HDAC4: variants seen among roughly 807,000 people sequenced by gnomAD.
HDAC4 encodes histone deacetylase A.
HDAC4 carries 16 observed loss-of-function variants against 135.1 expected under a neutral mutation model. The ratio of observed to expected loss-of-function variants is 0.12; its 90% CI spans 0.08 to 0.18. The LOEUF (loss-of-function observed/expected upper bound fraction) is 0.18, where lower values mean the gene tolerates loss of function less well. Ranked by LOEUF, HDAC4 falls within the 10% of genes least tolerant of loss-of-function variation. HDAC4 has a pLI of 1.00. For synonymous variants in HDAC4, 685 were observed against 653.4 expected, an observed-to-expected ratio of 1.05 and a Z score of -0.74; for missense variants, 1,143 against 1,511.8, an observed-to-expected ratio of 0.76 and a Z score of 4.05.
chr2:239,148,016 G>A (rs950246268), intron 7 of HDAC4, among the ~76,000 whole-genome samples: 2 of 152,240 alleles, frequency 1.3e-5, no homozygotes, highest in Admixed American at 6.5e-5. Context: ...GGACAGGCGT[G>A]CACCTGGCAC....
chr2:239,186,122 GAGA>G (rs1319673023), intron 4 of HDAC4, among the ~76,000 whole-genome samples: 3 of 152,084 alleles, frequency 2.0e-5, no homozygotes, highest in African/African-American at 4.8e-5. Flanking sequence ...AGCACCATCC[GAGA>G]AGGAGAGGCA....
At chr2:239,106,958 T>G (rs997347830) in intron 15 of HDAC4, among the ~76,000 whole-genome samples, 1 of 151,926 alleles carries the variant, frequency 6.6e-6, no homozygotes, top group Non-Finnish European at 1.5e-5. Context: ...GTGTGGGGAG[T>G]GGACATAGCA....
intron 2 of HDAC4, among the ~76,000 whole-genome samples, chr2:239,283,477 G>A (rs930040533): frequency 5.3e-5 from 8 of 152,220 alleles, no homozygotes; most frequent in Admixed American, 2.0e-4. Context: ...TGGCCACCGC[G>A]AGGGGCCTGG....
chr2:239,372,835 CAT>C (rs1559391724), intron 1 of HDAC4, among the ~76,000 whole-genome samples: 2 of 152,344 alleles, frequency 1.3e-5, no homozygotes, highest in East Asian at 1.9e-4. Context: ...ACAATGCACA[CAT>C]GTGCACATAT....
intron 9 of HDAC4, among the ~76,000 whole-genome samples, chr2:239,136,741 T>C (rs770139045): frequency 1.3e-5 from 2 of 152,204 alleles, no homozygotes; most frequent in Non-Finnish European, 2.9e-5. Flanking sequence ...TGAAGAGACA[T>C]TTCCCCAAAG....
chr2:239,380,237 G>A (rs954572937), intron 1 of HDAC4, among the ~76,000 whole-genome samples: 3 of 152,226 alleles, frequency 2.0e-5, no homozygotes, highest in Non-Finnish European at 4.4e-5. Flanking sequence ...GCAATGGCCC[G>A]CGTCTTTGGG....
intron 9 of HDAC4, among the ~76,000 whole-genome samples, chr2:239,136,875 G>A (rs982571746): frequency 3.3e-5 from 5 of 152,130 alleles, no homozygotes; most frequent in African/African-American, 1.2e-4. Context: ...GGCGCACCTC[G>A]CCCCAGAGGA....
At position 239,328,198 on chromosome 2, in the gene HDAC4, C is replaced by T. The variant is rs1274405496; in HGVS notation, c.22+24480G>A. Among the ~76,000 whole-genome samples, 8 of 152,242 alleles carry T rather than the reference C, an allele frequency of 5.3e-5. 1 individual carries two copies. In the South Asian group the frequency reaches 1.7e-3, roughly 32 times the overall value. On this transcript the variant is annotated intron_variant, in intron 2 of 26. Coordinates refer to ENST00000543185, the MANE Select transcript of HDAC4 (RefSeq NM_001378414.1). ...CTTTCTTCTAGCCACCCTGGAGGAG[C>T]CCTGGCGCTGGCCCAAGTGTGCTCC... is the stretch of plus-strand genomic sequence containing the variant.
At chr2:239,238,188 CA>C (rs1273210146) in intron 2 of HDAC4, among the ~76,000 whole-genome samples, 1 of 152,114 alleles carries the variant, frequency 6.6e-6, no homozygotes, top group East Asian at 1.9e-4. Context: ...AAGTACTTTT[CA>C]AGCCTTTTTT....
chr2:239,356,933 G>A (rs1393828728), intron 1 of HDAC4, among the ~76,000 whole-genome samples: 2 of 152,024 alleles, frequency 1.3e-5, no homozygotes, highest in Non-Finnish European at 2.9e-5. Flanking sequence ...ATTATAACTG[G>A]GAATTTTCAC....
chr2:239,052,984 T>C lies in HDAC4; in HGVS notation c.*113A>G, dbSNP rs1019865514. The C allele has an allele frequency of 1.0e-5, 13 of 1,280,932 alleles. No homozygotes were observed. The African/African-American group carries it at 1.8e-4, about 17-fold the overall frequency. The allele number at this position is 1,280,932 out of a possible 1,614,324, so 79.3% of individuals were successfully genotyped here. A position where few individuals can be genotyped will look rare whatever the true frequency, so the allele number is the denominator to read the frequency against. ...GTGGCTGTTGCACGCTGGGTGTCCCTGGGTGCTCCAAGAGAGCCCCACGGT... is the reference window on the plus strand; with the variant it reads ...GTGGCTGTTGCACGCTGGGTGTCCCCGGGTGCTCCAAGAGAGCCCCACGGT... On this transcript the variant is annotated 3_prime_UTR_variant, in exon 27 of 27. Coordinates refer to ENST00000543185, the MANE Select transcript of HDAC4 (RefSeq NM_001378414.1).
chr2:239,297,629 T>C (rs988002263), intron 2 of HDAC4, among the ~76,000 whole-genome samples: 14 of 152,198 alleles, frequency 9.2e-5, no homozygotes, highest in Non-Finnish European at 1.9e-4. Flanking sequence ...TAATGAGGCC[T>C]GGGGATGCCA....
intron 22 of HDAC4, among the ~76,000 whole-genome samples, chr2:239,072,762 C>G (rs1000642817): frequency 1.3e-5 from 2 of 152,202 alleles, no homozygotes; most frequent in Non-Finnish European, 2.9e-5. Context: ...CAACTTTGAC[C>G]AGAAGAAACA....
intron 5 of HDAC4, among the ~76,000 whole-genome samples, chr2:239,168,713 T>G (rs2043266578): frequency 6.6e-6 from 1 of 152,206 alleles, no homozygotes; most frequent in African/African-American, 2.4e-5. Context: ...GACGCCGGCT[T>G]GGGCCCCGCT....
chr2:239,180,157 G>A (rs1401807592), intron 4 of HDAC4, among the ~76,000 whole-genome samples: 1 of 152,144 alleles, frequency 6.6e-6, no homozygotes, highest in East Asian at 1.9e-4. Flanking sequence ...CCCCTGCACA[G>A]CCAGCTTCCA....
intron 7 of HDAC4, chr2:239,155,655 A>T (rs1308552231): frequency 6.6e-6 from 1 of 152,344 alleles, no homozygotes; most frequent in Non-Finnish European, 1.5e-5. Flanking sequence ...CCAGTGAAGA[A>T]GCCCTTGTGT....
intron 3 of HDAC4, among the ~76,000 whole-genome samples, chr2:239,219,574 T>A (rs929895708): frequency 1.4e-4 from 22 of 152,068 alleles, no homozygotes; most frequent in African/African-American, 5.3e-4. Flanking sequence ...CATATGTAAC[T>A]AACCTGCACA....
chr2:239,249,964 C>G (rs1202106691), intron 2 of HDAC4, among the ~76,000 whole-genome samples: 4 of 152,164 alleles, frequency 2.6e-5, no homozygotes, highest in Admixed American at 6.5e-5. Flanking sequence ...TGCTGTGACG[C>G]GTCATCCAAG....
chr2:239,366,794 G>A (rs920150645), intron 1 of HDAC4, among the ~76,000 whole-genome samples: 1 of 136,526 alleles, frequency 7.3e-6, no homozygotes, highest in Non-Finnish European at 1.5e-5. Context: ...GCAACCCCAC[G>A]AAGGAAAACA....
Sources: allele counts gnomAD v4.1 joint callset (sites outside exome capture counted in the v4.1 genomes callset), GRCh38; gene constraint gnomAD v4.1.1; transcripts MANE v1.5; gene names NCBI Gene and HGNC (gene_info 2026-07-23, HGNC 2026-07-21).